The following TRAPPC9 variants were observed in gnomAD, a reference collection of about 807,000 sequenced individuals.
TRAPPC9 encodes trafficking protein particle complex subunit 9.
A neutral mutation model predicts 124.0 loss-of-function variants in TRAPPC9; 83 were observed. The observed-to-expected ratio is 0.67, with a 90% CI of 0.56 to 0.80. The LOEUF (loss-of-function observed/expected upper bound fraction) is 0.80. Among genes scored for constraint, TRAPPC9 ranks in the 30% least tolerant of loss-of-function variants. The pLI is 0.00. For missense variants in TRAPPC9, 1,302 were observed against 1,508.3 expected (o/e 0.86, Z 2.27); for synonymous variants, 638 against 617.5 (o/e 1.03, Z -0.49).
chr8:140,358,770 G>A (rs763136123), intron 9 of TRAPPC9, among the ~76,000 whole-genome samples: 4 of 152,198 alleles, frequency 2.6e-5, no homozygotes, highest in South Asian at 4.1e-4. Context: ...GTAATGAGTC[G>A]CCCAGACGGC....
chr8:140,042,200 AGTGTATGT>A (rs1272760351), intron 17 of TRAPPC9, among the ~76,000 whole-genome samples: 17 of 90,932 alleles, frequency 1.9e-4, no homozygotes, highest in African/African-American at 7.3e-4. Flanking sequence ...AGCCCAAAAA[AGTGTATGT>A]GTGTGTGTGT....
chr8:139,950,407 T>C (rs1371212172), intron 19 of TRAPPC9, among the ~76,000 whole-genome samples: 1 of 152,216 alleles, frequency 6.6e-6, no homozygotes, highest in African/African-American at 2.4e-5. Flanking sequence ...CTGAGGGAAT[T>C]GAAGTTCAGG....
intron 17 of TRAPPC9, among the ~76,000 whole-genome samples, chr8:140,076,981 C>T (rs1843545437): frequency 6.6e-6 from 1 of 151,796 alleles, no homozygotes; most frequent in Non-Finnish European, 1.5e-5. Context: ...GCCTGGGCAA[C>T]ATAGCAAGAC....
chr8:140,251,453 A>G (rs1249249769), intron 16 of TRAPPC9, among the ~76,000 whole-genome samples: 1 of 152,266 alleles, frequency 6.6e-6, no homozygotes, highest in African/African-American at 2.4e-5. Flanking sequence ...TTTCTAATGT[A>G]TCCAACCCTA....
intron 15 of TRAPPC9, among the ~76,000 whole-genome samples, chr8:140,256,637 G>A (rs1481474017): frequency 6.6e-6 from 1 of 152,112 alleles, no homozygotes; most frequent in Non-Finnish European, 1.5e-5. Context: ...CTCTTCTGTA[G>A]GTGCCGACAC....
chr8:140,036,644 G>A (rs1161268644), intron 17 of TRAPPC9, among the ~76,000 whole-genome samples: 2 of 152,244 alleles, frequency 1.3e-5, no homozygotes, highest in East Asian at 1.9e-4. Context: ...TGTGACACAC[G>A]AGTCCTGAGT....
intron 17 of TRAPPC9, among the ~76,000 whole-genome samples, chr8:140,168,878 G>A (rs1443132968): frequency 6.6e-6 from 1 of 152,232 alleles, no homozygotes; most frequent in Non-Finnish European, 1.5e-5. Context: ...CTTCACTAGA[G>A]GGTAAGTTCT....
In TRAPPC9 at chr8:139,939,446, G is replaced by C. The variant is rs542415234; in HGVS notation, c.2811-29146C>G. ...CCAGAAGGAGGTGGTCCAGCACGCC[G>C]CATGGGGCTAAAAGGACAGAGCCTC... is the stretch of plus-strand genomic sequence containing the variant. On this transcript the variant is annotated intron_variant, in intron 19 of 22. Transcript: ENST00000438773. Among the ~76,000 whole-genome samples the C allele has an allele frequency of 9.0e-4, 137 of 152,314 alleles. 1 individual carries two copies. Among genetic ancestry groups the C allele is most frequent in the Non-Finnish European group, 1.6e-3 (108 of 68,018 alleles).
chr8:140,262,627 T>C (rs573359952), intron 15 of TRAPPC9: 1 of 152,208 alleles, frequency 6.6e-6, no homozygotes, highest in East Asian at 1.9e-4. Flanking sequence ...CAACATGCAG[T>C]AGAAATAATA....
chr8:140,338,700 G>A (rs573270613), intron 9 of TRAPPC9, among the ~76,000 whole-genome samples: 14 of 151,824 alleles, frequency 9.2e-5, no homozygotes, highest in South Asian at 8.4e-4. Flanking sequence ...TCAAGAAGAC[G>A]GCCACCTACA....
intron 5 of TRAPPC9, among the ~76,000 whole-genome samples, chr8:140,420,915 T>C: frequency 6.6e-6 from 1 of 152,248 alleles, no homozygotes; most frequent in Non-Finnish European, 1.5e-5. Flanking sequence ...TAGTCAACTT[T>C]AAACACATGG....
chr8:139,955,457 G>C (rs1016831165), intron 19 of TRAPPC9, among the ~76,000 whole-genome samples: 5 of 151,904 alleles, frequency 3.3e-5, no homozygotes, highest in African/African-American at 1.2e-4. Context: ...CCCACGTTCA[G>C]CATCAACACG....
At chr8:140,437,878 G>A (rs997864059) in intron 3 of TRAPPC9, among the ~76,000 whole-genome samples, 3 of 152,162 alleles carry the variant, frequency 2.0e-5, no homozygotes, top group African/African-American at 7.2e-5. Context: ...ACAGACATCC[G>A]ATTCCACCAC....
chr8:140,402,389 C>A (rs1354573321), intron 6 of TRAPPC9, among the ~76,000 whole-genome samples: 4 of 142,552 alleles, frequency 2.8e-5, no homozygotes, highest in Middle Eastern at 3.5e-3. Flanking sequence ...CAGAGCAAGA[C>A]CCTGTCTCAA....
chr8:140,079,146 C>T (rs369436755), intron 17 of TRAPPC9, among the ~76,000 whole-genome samples: 3 of 152,178 alleles, frequency 2.0e-5, no homozygotes, highest in African/African-American at 7.2e-5. Context: ...CCATGTAAGA[C>T]GTGACTTTGT....
At chr8:140,106,843 C>T (rs934679699) in intron 17 of TRAPPC9, among the ~76,000 whole-genome samples, 2 of 152,188 alleles carry the variant, frequency 1.3e-5, no homozygotes, top group African/African-American at 4.8e-5. Context: ...ACACAGATCC[C>T]TTTCCTGTTT....
In TRAPPC9 at chr8:140,457,436, A is replaced by T. The variant is rs559016640; in HGVS notation, c.-11+203T>A. On this transcript the variant is annotated intron_variant, in intron 1 of 22. Transcript: ENST00000438773. ...CTTGGACAGATGTAAGCAGAGCGCC[A>T]ACAGGAGCAAGGGCGCCTCGAGCAG... 2.7e-3 allele frequency among the ~76,000 whole-genome samples: 408 copies of T among 152,280 alleles called. 1 individual carries two copies. The highest frequency in any genetic ancestry group is 4.7e-3 in the Non-Finnish European group (322 of 68,002).
intron 21 of TRAPPC9, among the ~76,000 whole-genome samples, chr8:139,859,394 C>T (rs62528719): frequency 0.1 from 15,733 of 152,226 alleles, 868 homozygotes; most frequent in East Asian, 0.24. Flanking sequence ...GTTAAGGCAG[C>T]GCTTCTATTG....
chr8:139,735,286 G>A (rs933506049), intron 21 of TRAPPC9, among the ~76,000 whole-genome samples: 9 of 152,218 alleles, frequency 5.9e-5, no homozygotes, highest in African/African-American at 1.9e-4. Context: ...TATTCTTGCT[G>A]TGAGGAGCTC....
Sources: allele counts gnomAD v4.1 joint callset (sites outside exome capture counted in the v4.1 genomes callset), GRCh38; gene constraint gnomAD v4.1.1; transcripts MANE v1.5; gene names NCBI Gene and HGNC (gene_info 2026-07-23, HGNC 2026-07-21).